Variants in CSPP1 observed in about 807,000 individuals in gnomAD.
The protein encoded by CSPP1 is centrosome and spindle pole-associated protein 1.
A neutral mutation model predicts 164.4 loss-of-function variants in CSPP1; 126 were observed. The observed-to-expected ratio is 0.77, with a 90% CI of 0.66 to 0.89. The LOEUF is 0.89. Among genes scored for constraint, CSPP1 ranks in the 40% least tolerant of loss-of-function variants. CSPP1 has a pLI of 0.00. For synonymous variants in CSPP1, 472 were observed against 476.7 expected (o/e 0.99, Z 0.13); for missense variants, 1,395 against 1,449.8 (o/e 0.96, Z 0.61).
In CSPP1 at chr8:67,172,535, T is replaced by A; in HGVS notation, c.2948T>A (p.Phe983Tyr). ...GCCACTTTTCAGAATGTTCATGATT[T>A]TAATGAGCTGAAAGATAGAGGTGAG... ...DAATFQNVHD[F>Y]NELKDRDSET... The change falls in exon 25 of 31, where the codon TTT becomes TAT. Residue 983 changes from phenylalanine (F) to tyrosine (Y), a missense_variant. Coordinates refer to ENST00000678616, the MANE Select transcript of CSPP1 (RefSeq NM_001382391.1). 6.2e-7 allele frequency: 1 copy of A among 1,613,570 alleles called. No individual in the cohort carries two copies. The highest frequency in any genetic ancestry group is 8.5e-7 in the Non-Finnish European group (1 of 1,179,702).
intron 3 of CSPP1, among the ~76,000 whole-genome samples, chr8:67,077,534 G>T (rs947807978): frequency 3.3e-5 from 5 of 152,028 alleles, no homozygotes; most frequent in African/African-American, 1.2e-4. Context: ...ACAGGGTTTC[G>T]CAGTGTTGGC....
intron 3 of CSPP1, chr8:67,084,185 A>G (rs769327254): frequency 4.1e-4 from 63 of 152,230 alleles, no homozygotes; most frequent in Non-Finnish European, 1.5e-4. Flanking sequence ...GATGATTTAA[A>G]ATTCCAAGCA....
At chr8:67,086,887 T>TA in intron 4 of CSPP1, 6 of 1,219,192 alleles carry the variant, frequency 4.9e-6, no homozygotes, top group Non-Finnish European at 6.6e-6. Context: ...GTTTTTTCTT[T>TA]CTTTTTTTTT....
At chr8:67,089,843 G>GT (rs552257433) in intron 4 of CSPP1, among the ~76,000 whole-genome samples, 2,102 of 139,430 alleles carry the variant, frequency 0.015, 32 homozygotes, top group Middle Eastern at 0.023. Flanking sequence ...TTTTTTTTTT[G>GT]TTTTTTTTTT....
chr8:67,066,088 T>C (rs1487325975), intron 1 of CSPP1, among the ~76,000 whole-genome samples: 1 of 152,224 alleles, frequency 6.6e-6, no homozygotes, highest in East Asian at 1.9e-4. Context: ...CAAAGGCTAA[T>C]TTATGCTACT....
chr8:67,160,017 TTTTC>T (rs1827944243), intron 21 of CSPP1, among the ~76,000 whole-genome samples: 1 of 100,022 alleles, frequency 1.0e-5, no homozygotes, highest in Non-Finnish European at 1.7e-5. Flanking sequence ...TTTTCTTTTC[TTTTC>T]TTTTCTTTTC....
At position 67,195,682 on chromosome 8, in the gene CSPP1, C is replaced by T; in HGVS notation, c.*89C>T. ...TAATATGTCCTACTTTTGGCCCCTA[C>T]CTGAAAGTTACTTTTTTTCCATCAT... On this transcript the variant is annotated 3_prime_UTR_variant, in exon 31 of 31. Transcript: ENST00000678616. 4 of 1,063,156 alleles carry T rather than the reference C, an allele frequency of 3.8e-6. No individual in the cohort carries two copies. Among genetic ancestry groups the T allele is most frequent in the Admixed American group, 2.5e-5 (1 of 40,370 alleles). The allele number at this position is 1,063,156 out of a possible 1,614,324, so 65.9% of individuals were successfully genotyped here.
intron 1 of CSPP1, chr8:67,064,760 G>A (rs1254714515): frequency 2.1e-6 from 1 of 469,934 alleles, no homozygotes; most frequent in East Asian, 4.3e-5. Context: ...AGGTGCCCGA[G>A]TTAAGGGTGT....
At chr8:67,189,341 T>G (rs549390233) in intron 28 of CSPP1, among the ~76,000 whole-genome samples, 36 of 152,276 alleles carry the variant, frequency 2.4e-4, no homozygotes, top group African/African-American at 7.7e-4. Flanking sequence ...TTATTCATAA[T>G]TGCTAAAACT....
chr8:67,136,751 G>A (rs1485944844), intron 16 of CSPP1, among the ~76,000 whole-genome samples: 1 of 151,802 alleles, frequency 6.6e-6, no homozygotes, highest in African/African-American at 2.4e-5. Flanking sequence ...TAAGGTTGAG[G>A]GTAGACTTTG....
intron 12 of CSPP1, chr8:67,114,897 G>C (rs182092019): frequency 6.6e-6 from 1 of 152,300 alleles, no homozygotes; most frequent in Admixed American, 6.5e-5. Flanking sequence ...GGAGGCAACA[G>C]TTACGCCTTT....
chr8:67,116,191 A>T lies in CSPP1; in HGVS notation c.1496+69A>T. The T allele has an allele frequency of 2.8e-6, 3 of 1,077,988 alleles. No individual in the cohort carries two copies. In the South Asian group the frequency reaches 3.9e-5, roughly 14 times the overall value. The allele number at this position is 1,077,988 out of a possible 1,614,324, so 66.8% of individuals were successfully genotyped here. Reference sequence around the variant, plus strand: ...TGCTATATTTTATGTTTAGAAGGATATACTGAAGCGGATGACGTTATTCTT... The same window carrying T: ...TGCTATATTTTATGTTTAGAAGGATTTACTGAAGCGGATGACGTTATTCTT... On this transcript the variant is annotated intron_variant, in intron 13 of 30. Coordinates refer to ENST00000678616, the MANE Select transcript of CSPP1 (RefSeq NM_001382391.1).
chr8:67,162,448 G>T (rs1363346758), intron 22 of CSPP1, among the ~76,000 whole-genome samples: 1 of 152,178 alleles, frequency 6.6e-6, no homozygotes, highest in African/African-American at 2.4e-5. Context: ...CTTTGATTTT[G>T]TTCCATAGGC....
intron 3 of CSPP1, among the ~76,000 whole-genome samples, chr8:67,082,108 C>T (rs1036091313): frequency 1.3e-5 from 2 of 152,130 alleles, no homozygotes; most frequent in Admixed American, 6.5e-5. Flanking sequence ...AGTGCAGTGG[C>T]GCGATCTCGG....
chr8:67,186,147 T>G (rs1164913907), intron 28 of CSPP1, among the ~76,000 whole-genome samples: 1 of 152,208 alleles, frequency 6.6e-6, no homozygotes, highest in Non-Finnish European at 1.5e-5. Flanking sequence ...TTCCATCATT[T>G]CATTTCTGTA....
At chr8:67,079,582 G>A (rs1808719724) in intron 3 of CSPP1, among the ~76,000 whole-genome samples, 1 of 152,126 alleles carries the variant, frequency 6.6e-6, no homozygotes, top group Admixed American at 6.5e-5. Flanking sequence ...GTCTAGCCCC[G>A]TGTATCAAAT....
intron 16 of CSPP1, chr8:67,134,529 G>A (rs993964036): frequency 8.7e-5 from 13 of 150,144 alleles, no homozygotes; most frequent in African/African-American, 2.9e-4. Context: ...CTAGAGCACA[G>A]GTAGAGTAGA....
At chr8:67,116,936 T>G (rs533485947) in intron 13 of CSPP1, among the ~76,000 whole-genome samples, 1 of 152,166 alleles carries the variant, frequency 6.6e-6, no homozygotes, top group Admixed American at 6.5e-5. Context: ...TATCAGGGGC[T>G]TTGTGTTTTT....
intron 28 of CSPP1, among the ~76,000 whole-genome samples, chr8:67,184,943 C>CAAAAAAAAAAAAAAA (rs796384901): frequency 1.8e-5 from 1 of 56,084 alleles, no homozygotes; most frequent in African/African-American, 4.9e-5. Flanking sequence ...ACTAAAAATA[C>CAAAAAAAAAAAAAAA]AAAAAAAAAA....
Sources: allele counts gnomAD v4.1 joint callset (sites outside exome capture counted in the v4.1 genomes callset), GRCh38; gene constraint gnomAD v4.1.1; transcripts MANE v1.5; gene names NCBI Gene and HGNC (gene_info 2026-07-23, HGNC 2026-07-21).